NXPE2: variants seen among roughly 807,000 people sequenced by gnomAD.
NXPE2 encodes NXPE family member 2.
NXPE2 carries 34 observed loss-of-function variants against 34.4 expected under a neutral mutation model. The observed-to-expected ratio is 0.99, with a 90% CI of 0.75 to 1.31. The LOEUF is 1.31. NXPE2 is among the 40% of genes most tolerant of loss of function. The pLI, the probability that NXPE2 is intolerant of heterozygous loss-of-function variation, is 0.00. For synonymous variants in NXPE2, 235 were observed against 231.3 expected (o/e 1.02, Z -0.15); for missense variants, 649 against 672.5 (o/e 0.97, Z 0.39).
chr11:114,640,507 A>G, the NXPE2 span, among the ~76,000 whole-genome samples: 1 of 151,614 alleles, frequency 6.6e-6, no homozygotes, highest in Admixed American at 6.6e-5. Flanking sequence ...GGTAGATCTA[A>G]TTATAGTTCT....
chr11:114,524,462 G>C, the NXPE2 span, among the ~76,000 whole-genome samples: 1 of 152,140 alleles, frequency 6.6e-6, no homozygotes, highest in Non-Finnish European at 1.5e-5. Flanking sequence ...AAATGGTGCT[G>C]GTGGCAGAAT....
the NXPE2 span, among the ~76,000 whole-genome samples, chr11:114,468,099 A>G: frequency 6.6e-6 from 1 of 151,914 alleles, no homozygotes; most frequent in East Asian, 1.9e-4. Context: ...GCCACACATA[A>G]AATACACTAA....
the NXPE2 span, among the ~76,000 whole-genome samples, chr11:114,579,581 T>C: frequency 1.3e-5 from 2 of 152,218 alleles, no homozygotes; most frequent in Non-Finnish European, 2.9e-5. Flanking sequence ...ATGACAGTAA[T>C]GATACCTTAC....
At chr11:114,691,693 T>C (rs1241628661) in intron 2 of NXPE2, among the ~76,000 whole-genome samples, 1 of 152,214 alleles carries the variant, frequency 6.6e-6, no homozygotes, top group Non-Finnish European at 1.5e-5. Context: ...TCCACGTCCA[T>C]TCCTGGGCTT....
At chr11:114,696,778 G>A (rs1000192169) in intron 2 of NXPE2, among the ~76,000 whole-genome samples, 3 of 152,162 alleles carry the variant, frequency 2.0e-5, no homozygotes, top group Non-Finnish European at 2.9e-5. Flanking sequence ...CCCTAAAAAT[G>A]TGTCTACCTG....
chr11:114,477,068 C>G, the NXPE2 span, among the ~76,000 whole-genome samples: 6 of 152,126 alleles, frequency 3.9e-5, no homozygotes, highest in African/African-American at 1.4e-4. Context: ...AAATGTCCTT[C>G]CACAGGTGAT....
At chr11:114,633,456 CT>C in the NXPE2 span, among the ~76,000 whole-genome samples, 18 of 143,478 alleles carry the variant, frequency 1.3e-4, no homozygotes, top group South Asian at 1.1e-3. Flanking sequence ...TATATTTTTT[CT>C]TTTTTTTATT....
the NXPE2 span, among the ~76,000 whole-genome samples, chr11:114,638,914 G>T: frequency 6.6e-6 from 1 of 152,042 alleles, no homozygotes; most frequent in African/African-American, 2.4e-5. Flanking sequence ...GGGGGTCAGG[G>T]GTCAGGGACC....
downstream of NXPE2, among the ~76,000 whole-genome samples, chr11:114,711,347 G>A (rs1035846785): frequency 3.3e-5 from 5 of 152,190 alleles, no homozygotes; most frequent in Middle Eastern, 3.4e-3. Context: ...TCTGTTCACA[G>A]ATGACATGAT....
intron 2 of NXPE2, among the ~76,000 whole-genome samples, chr11:114,687,947 G>A (rs1951078608): frequency 6.6e-6 from 1 of 151,990 alleles, no homozygotes; most frequent in African/African-American, 2.4e-5. Context: ...TTTGTATCCT[G>A]AGACTTTGCT....
the NXPE2 span, chr11:114,528,887 G>C: frequency 4.9e-6 from 3 of 606,440 alleles, no homozygotes; most frequent in Non-Finnish European, 6.2e-6. Flanking sequence ...TAGGCATAAG[G>C]ATGGTTGATG....
the NXPE2 span, among the ~76,000 whole-genome samples, chr11:114,801,157 C>CTAGTAGAAAGA: frequency 1.3e-5 from 2 of 151,840 alleles, no homozygotes; most frequent in African/African-American, 4.8e-5. Context: ...TGCTTACATT[C>CTAGTAGAAAGA]TAGTAGAAAG....
chr11:114,626,970 A>C, the NXPE2 span, among the ~76,000 whole-genome samples: 4 of 152,246 alleles, frequency 2.6e-5, no homozygotes, highest in African/African-American at 9.6e-5. Flanking sequence ...GTTTAGAGAA[A>C]AAAGAATAAA....
the NXPE2 span, among the ~76,000 whole-genome samples, chr11:114,501,830 G>C: frequency 6.6e-6 from 1 of 152,146 alleles, no homozygotes; most frequent in African/African-American, 2.4e-5. Context: ...TTTTTCCTGA[G>C]ACAGAGAACA....
At chr11:114,554,434 C>T in the NXPE2 span, 1 of 953,944 alleles carries the variant, frequency 1.0e-6, no homozygotes, top group South Asian at 4.8e-5. Context: ...TTCTTTGTGA[C>T]ATGGGCCCTT....
At chr11:114,643,366 C>T in the NXPE2 span, among the ~76,000 whole-genome samples, 2 of 152,058 alleles carry the variant, frequency 1.3e-5, no homozygotes, top group Non-Finnish European at 2.9e-5. Context: ...CCTAGGTTTT[C>T]TTCTAGTGTT....
chr11:114,667,639 C>T, the NXPE2 span, among the ~76,000 whole-genome samples: 2 of 152,122 alleles, frequency 1.3e-5, no homozygotes, highest in Non-Finnish European at 2.9e-5. Context: ...AAACCAGCTG[C>T]CACATCATGA....
At chr11:114,623,401 G>A in the NXPE2 span, among the ~76,000 whole-genome samples, 2 of 151,930 alleles carry the variant, frequency 1.3e-5, no homozygotes, top group Admixed American at 1.3e-4. Flanking sequence ...TGCGCAGTGG[G>A]TACCATTGTT....
chr11:114,542,914 A>G, the NXPE2 span, among the ~76,000 whole-genome samples: 10 of 152,214 alleles, frequency 6.6e-5, no homozygotes, highest in Admixed American at 6.5e-4. Flanking sequence ...GACACCAAAC[A>G]TATTTACCAC....
Sources: gnomAD v4.1 joint callset for allele counts (sites outside exome capture counted in the v4.1 genomes callset) on GRCh38, gnomAD v4.1.1 for gene constraint, MANE v1.5 for transcripts, NCBI Gene and HGNC (gene_info 2026-07-23, HGNC 2026-07-21) for gene names.